The following NAV3 variants were observed in gnomAD, a reference collection of about 807,000 sequenced individuals.
NAV3 encodes neuron navigator 3, also known as pore membrane and/or filament interacting like protein 1.
In NAV3, 87 loss-of-function variants were observed where a neutral mutation model predicts 244.7. The observed-to-expected ratio is 0.36, with a 90% CI of 0.30 to 0.42. NAV3 has a LOEUF of 0.42. NAV3 is among the 20% of genes least tolerant of loss of function. The pLI is 1.00. For missense variants in NAV3, 2,663 were observed against 2,893.3 expected, an observed-to-expected ratio of 0.92 and a Z score of 1.83; for synonymous variants, 1,126 against 1,042.2, an observed-to-expected ratio of 1.08 and a Z score of -1.55.
chr12:78,200,429 T>G, intron 37 of NAV3, 44 bp from the exon 38 acceptor site: 1 of 1,228,180 alleles, frequency 8.1e-7, no homozygotes, highest in Non-Finnish European at 1.1e-6. Flanking sequence ...GTTTAGATTA[T>G]TAAATATAAC....
rs185227412 is a variant in NAV3 at position 77,985,760 on chromosome 12, A to G, written c.672-9043A>G. On this transcript the variant is annotated intron_variant, in intron 5 of 39. Coordinates refer to ENST00000397909, the MANE Select transcript of NAV3 (RefSeq NM_001024383.2). Reference sequence around the variant, plus strand: ...TTCAATTCCTGTGTCCACTATTTTAACTTATTTTAATCATTTACTTCTATT... The same window carrying G: ...TTCAATTCCTGTGTCCACTATTTTAGCTTATTTTAATCATTTACTTCTATT... 1.2e-3 allele frequency among the ~76,000 whole-genome samples: 176 copies of G among 152,206 alleles called. 1 individual carries two copies. The highest frequency in any genetic ancestry group is 9.4e-3 in the Admixed American group (143 of 15,284).
Position 78,199,322 on chromosome 12 carries a change from T to G in NAV3, c.6519-13T>G. 6.4e-7 allele frequency: 1 copy of G among 1,567,320 alleles called. No individual in the cohort carries two copies. The highest frequency in any genetic ancestry group is 1.2e-5 in the South Asian group (1 of 82,230). On this transcript the variant is annotated splice_polypyrimidine_tract_variant and intron_variant, in intron 36 of 39. Coordinates refer to ENST00000397909, the MANE Select transcript of NAV3 (RefSeq NM_001024383.2). ...ATTTATATAAAAATGTCTGATTTTT[T>G]TTCTTTTTGTAGGTGGGTATTATGT... is the stretch of plus-strand genomic sequence containing the variant.
At position 77,910,603 on chromosome 12, in the gene NAV3, T is replaced by C. The variant is rs138071686; in HGVS notation, c.244-29716T>C. Among the ~76,000 whole-genome samples, 406 of 152,268 alleles carry C rather than the reference T, an allele frequency of 2.7e-3. 1 individual carries two copies. Among genetic ancestry groups the C allele is most frequent in the Non-Finnish European group, 4.4e-3 (300 of 68,002 alleles). On this transcript the variant is annotated intron_variant, in intron 1 of 39. Transcript: ENST00000397909. ...TTAATTTTGACCTGAACTTCAGCAA[T>C]TGACTAGTGTCTGACCACCAGAAGC...
chr12:77,607,890 T>G (rs771856239), intron 2 of NAV3, among the ~76,000 whole-genome samples: 7 of 152,136 alleles, frequency 4.6e-5, no homozygotes, highest in Non-Finnish European at 1.0e-4. Flanking sequence ...GCCCCGTAAA[T>G]AATTGGTGCC....
chr12:78,043,025 T>C (rs1881145927), intron 9 of NAV3, among the ~76,000 whole-genome samples: 1 of 152,140 alleles, frequency 6.6e-6, no homozygotes, highest in African/African-American at 2.4e-5. Context: ...GGTCGTTTGC[T>C]GCACCCATCA....
chr12:77,879,495 A>G (rs12369656), intron 1 of NAV3, among the ~76,000 whole-genome samples: 340 of 151,976 alleles, frequency 2.2e-3, no homozygotes, highest in Non-Finnish European at 3.3e-3. Flanking sequence ...GCCAACTTGG[A>G]GAAATCCTGT....
intron 2 of NAV3, among the ~76,000 whole-genome samples, chr12:77,818,911 CAAAT>C (rs1389711799): frequency 6.6e-6 from 1 of 151,896 alleles, no homozygotes; most frequent in Non-Finnish European, 1.5e-5. Flanking sequence ...TAAAAGTAAA[CAAAT>C]AGCTCATTTC....
intron 21 of NAV3, among the ~76,000 whole-genome samples, chr12:78,148,071 T>C (rs1956933198): frequency 6.6e-6 from 1 of 152,122 alleles, no homozygotes; most frequent in African/African-American, 2.4e-5. Context: ...GTTTCAGTTT[T>C]ATTGGAGTGT....
chr12:77,964,708 T>TTA (rs754660857), intron 3 of NAV3, among the ~76,000 whole-genome samples: 10 of 152,172 alleles, frequency 6.6e-5, no homozygotes, highest in African/African-American at 1.2e-4. Flanking sequence ...ACAATAAGAT[T>TTA]TATTATGTTA....
chr12:77,799,318 A>G (rs1436466523), intron 2 of NAV3, among the ~76,000 whole-genome samples: 2 of 152,224 alleles, frequency 1.3e-5, no homozygotes, highest in Non-Finnish European at 2.9e-5. Flanking sequence ...CCCTCGCTTT[A>G]GTGAAATTTT....
At chr12:78,011,735 G>C (rs1249317127) in intron 8 of NAV3, among the ~76,000 whole-genome samples, 2 of 152,134 alleles carry the variant, frequency 1.3e-5, no homozygotes, top group Non-Finnish European at 2.9e-5. Context: ...ATATTAGTCA[G>C]TTTTCACACT....
intron 2 of NAV3, among the ~76,000 whole-genome samples, chr12:77,617,587 T>A (rs1032141366): frequency 6.6e-6 from 1 of 152,184 alleles, no homozygotes; most frequent in Non-Finnish European, 1.5e-5. Flanking sequence ...AGAGAAGCAG[T>A]CTAATGATTT....
chr12:78,125,256 T>C (rs1197566453), intron 16 of NAV3, among the ~76,000 whole-genome samples: 1 of 152,220 alleles, frequency 6.6e-6, no homozygotes, highest in African/African-American at 2.4e-5. Context: ...TAAAGATGTA[T>C]ATAAGTTCAT....
At chr12:77,772,134 G>T (rs1319513037) in intron 2 of NAV3, among the ~76,000 whole-genome samples, 1 of 152,050 alleles carries the variant, frequency 6.6e-6, no homozygotes, top group Non-Finnish European at 1.5e-5. Context: ...ATAGATGAGG[G>T]TACTGGGGCT....
intron 6 of NAV3, among the ~76,000 whole-genome samples, chr12:77,995,664 G>A (rs1405692467): frequency 1.3e-5 from 2 of 152,128 alleles, no homozygotes; most frequent in East Asian, 3.9e-4. Context: ...TGCGTCTGAT[G>A]CTTTGACTTG....
intron 2 of NAV3, among the ~76,000 whole-genome samples, chr12:77,646,590 A>G (rs1161189546): frequency 6.6e-6 from 1 of 152,104 alleles, no homozygotes; most frequent in Non-Finnish European, 1.5e-5. Context: ...AAAAAGTAGA[A>G]AGGTCCAAAT....
intron 9 of NAV3, chr12:78,036,999 T>G: frequency 1.4e-6 from 1 of 702,980 alleles, no homozygotes; most frequent in Non-Finnish European, 2.6e-6. Context: ...GGTGCGCATT[T>G]CCAACTGGTT....
intron 2 of NAV3, among the ~76,000 whole-genome samples, chr12:77,746,941 A>C (rs1040052300): frequency 6.6e-6 from 1 of 152,202 alleles, no homozygotes; most frequent in African/African-American, 2.4e-5. Context: ...ATGAAAAATT[A>C]GAGGGACACT....
chr12:77,904,542 TA>T (rs1401031707), intron 1 of NAV3, among the ~76,000 whole-genome samples: 1 of 152,126 alleles, frequency 6.6e-6, no homozygotes, highest in African/African-American at 2.4e-5. Context: ...TACCTAATGC[TA>T]AATGACGAGT....
Sources: gnomAD v4.1 joint callset for allele counts (sites outside exome capture counted in the v4.1 genomes callset) on GRCh38, gnomAD v4.1.1 for gene constraint, MANE v1.5 for transcripts, NCBI Gene and HGNC (gene_info 2026-07-23, HGNC 2026-07-21) for gene names.